The following LNX1 variants were observed in gnomAD, a reference collection of about 807,000 sequenced individuals.
LNX1 encodes the protein ligand of numb-protein X 1, also known as E3 ubiquitin-protein ligase LNX.
LNX1 carries 54 observed loss-of-function variants against 68.4 expected under a neutral mutation model. That is an observed-to-expected ratio of 0.79 (90% CI 0.63 to 0.99). The LOEUF (loss-of-function observed/expected upper bound fraction) is 0.99, where lower values mean the gene tolerates loss of function less well. Among genes scored for constraint, LNX1 ranks in the 50% least tolerant of loss-of-function variants. The pLI is 0.00. For missense variants in LNX1, 906 were observed against 926.4 expected (o/e 0.98, Z 0.29); for synonymous variants, 336 against 350.0 (o/e 0.96, Z 0.45).
At chr4:53,535,724 T>C (rs1577676289) in intron 2 of LNX1, among the ~76,000 whole-genome samples, 3 of 152,236 alleles carry the variant, frequency 2.0e-5, no homozygotes, top group Non-Finnish European at 4.4e-5. Flanking sequence ...ACATATGCCA[T>C]GTACTTCCTA....
At chr4:53,631,841 T>C (rs1470856013) in intron 1 of LNX1, among the ~76,000 whole-genome samples, 2 of 151,710 alleles carry the variant, frequency 1.3e-5, no homozygotes, top group Non-Finnish European at 1.5e-5. Flanking sequence ...TCAGAGTCTC[T>C]TTGGAGGTGG....
intron 2 of LNX1, among the ~76,000 whole-genome samples, chr4:53,524,721 T>A (rs1414780732): frequency 6.6e-6 from 1 of 152,216 alleles, no homozygotes; most frequent in Non-Finnish European, 1.5e-5. Context: ...ATAAACATAG[T>A]TGAGCCATTT....
chr4:53,598,522 T>C (rs928616010), intron 2 of LNX1, among the ~76,000 whole-genome samples: 1 of 152,208 alleles, frequency 6.6e-6, no homozygotes, highest in Non-Finnish European at 1.5e-5. Context: ...TGTGAGCCAC[T>C]GCACCTGGCC....
upstream of LNX1, among the ~76,000 whole-genome samples, chr4:53,594,277 C>A (rs760621564): frequency 6.6e-6 from 1 of 151,996 alleles, no homozygotes; most frequent in African/African-American, 2.4e-5. Context: ...ATCAAATCAA[C>A]CCCAAGATGG....
intron 2 of LNX1, among the ~76,000 whole-genome samples, chr4:53,519,346 C>T (rs1248320647): frequency 6.6e-6 from 1 of 152,040 alleles, no homozygotes; most frequent in Non-Finnish European, 1.5e-5. Flanking sequence ...TACCCATCTC[C>T]CACTGGGTGG....
intron 6 of LNX1, among the ~76,000 whole-genome samples, chr4:53,495,547 G>GATTTTTTTTTTTTTTTTTTTT (rs1560626438): frequency 1.3e-5 from 1 of 79,152 alleles, no homozygotes; most frequent in African/African-American, 6.1e-5. Flanking sequence ...GCATGGCATA[G>GATTTTTTTTTTTTTTTTTTTT]CTTTTTTTTT....
At chr4:53,613,706 G>C (rs1733582542) in intron 2 of LNX1, among the ~76,000 whole-genome samples, 1 of 152,110 alleles carries the variant, frequency 6.6e-6, no homozygotes, top group Non-Finnish European at 1.5e-5. Flanking sequence ...TCCAGTCTAT[G>C]ATTGATGGGT....
At chr4:53,506,747 T>G (rs1725899495) in intron 4 of LNX1, among the ~76,000 whole-genome samples, 1 of 150,038 alleles carries the variant, frequency 6.7e-6, no homozygotes, top group African/African-American at 2.5e-5. Context: ...TCCCACCTAC[T>G]TGGGAGGCTG....
chr4:53,489,353 G>GT (rs1724531329), intron 6 of LNX1, among the ~76,000 whole-genome samples: 1 of 152,096 alleles, frequency 6.6e-6, no homozygotes, highest in African/African-American at 2.4e-5. Context: ...CCAGAAGCAT[G>GT]TATCTTTAGA....
upstream of LNX1, among the ~76,000 whole-genome samples, chr4:53,620,658 C>T (rs1733837746): frequency 6.6e-6 from 1 of 151,748 alleles, no homozygotes; most frequent in Non-Finnish European, 1.5e-5. Context: ...TAATGCAATA[C>T]ATCAGTGTAG....
chr4:53,581,733 C>G (rs1370533104), intron 1 of LNX1, among the ~76,000 whole-genome samples: 3 of 152,158 alleles, frequency 2.0e-5, no homozygotes, highest in Admixed American at 6.5e-5. Context: ...TGCGTCCCTC[C>G]CACAACATGT....
At chr4:53,598,405 G>C (rs1228575445) in intron 2 of LNX1, among the ~76,000 whole-genome samples, 2 of 151,746 alleles carry the variant, frequency 1.3e-5, no homozygotes, top group African/African-American at 2.4e-5. Flanking sequence ...GCAAATTTTT[G>C]TATTTTTTGT....
At chr4:53,634,002 G>T (rs994041433) in intron 1 of LNX1, among the ~76,000 whole-genome samples, 2 of 152,162 alleles carry the variant, frequency 1.3e-5, no homozygotes, top group Non-Finnish European at 2.9e-5. Flanking sequence ...AATGCATTTT[G>T]TTACTAATAT....
At chr4:53,478,801 T>A in intron 7 of LNX1, 59 bp from the exon 8 acceptor site, 2 of 1,523,650 alleles carry the variant, frequency 1.3e-6, no homozygotes, top group African/African-American at 1.4e-5. Context: ...AGTTTTTGAA[T>A]GTAGAAAATG....
At chr4:53,501,299 T>TGGGGGGGGG (rs1553932749) in intron 4 of LNX1, among the ~76,000 whole-genome samples, 14 of 38,754 alleles carry the variant, frequency 3.6e-4, no homozygotes, top group Non-Finnish European at 6.3e-4. Flanking sequence ...TTTTTTTTTT[T>TGGGGGGGGG]GGGGGTGGGG....
At chr4:53,652,020 T>TGTGAGAGAGAGAGAGAGA (rs1299346353) in intron 1 of LNX1, 47 of 106,972 alleles carry the variant, frequency 4.4e-4, no homozygotes, top group African/African-American at 9.7e-4. Context: ...TGTGTGTGTG[T>TGTGAGAGAGAGAGAGAGA]GAGAGAGAGA....
At chr4:53,487,944 C>G (rs977913047) in intron 6 of LNX1, among the ~76,000 whole-genome samples, 1 of 152,110 alleles carries the variant, frequency 6.6e-6, no homozygotes, top group Non-Finnish European at 1.5e-5. Context: ...TGTGGTTGCC[C>G]CATTTTAGAA....
At chr4:53,571,623 G>A (rs1443033384) in intron 2 of LNX1, among the ~76,000 whole-genome samples, 1 of 152,166 alleles carries the variant, frequency 6.6e-6, no homozygotes, top group East Asian at 1.9e-4. Flanking sequence ...CCACCGAGAT[G>A]TACGTTAGAC....
chr4:53,623,096 A>G (rs1733944517), intron 1 of LNX1, among the ~76,000 whole-genome samples: 1 of 152,010 alleles, frequency 6.6e-6, no homozygotes, highest in African/African-American at 2.4e-5. Context: ...ATCACTCAGG[A>G]TTCATGATCC....
Sources: allele counts gnomAD v4.1 joint callset (sites outside exome capture counted in the v4.1 genomes callset), GRCh38; gene constraint gnomAD v4.1.1; transcripts MANE v1.5; gene names NCBI Gene and HGNC (gene_info 2026-07-23, HGNC 2026-07-21).